Variants in MCM9 observed in about 807,000 individuals in gnomAD.
MCM9 encodes the protein DNA helicase MCM9.
MCM9 carries 55 observed loss-of-function variants against 72.8 expected under a neutral mutation model. The ratio of observed to expected loss-of-function variants is 0.76; its 90% CI spans 0.61 to 0.95. The LOEUF is 0.95. Among genes scored for constraint, MCM9 ranks in the 40% least tolerant of loss-of-function variants. The pLI is 0.00. For synonymous variants in MCM9, 480 were observed against 503.4 expected (o/e 0.95, Z 0.62); for missense variants, 1,279 against 1,377.0 (o/e 0.93, Z 1.13).
Position 118,815,009 on chromosome 6 carries a change from C to T in MCM9, c.3247G>A (p.Glu1083Lys), listed in dbSNP as rs1468102840. Residue 1083 changes from glutamate to lysine, a missense_variant, in exon 14 of 14, where the codon GAG becomes AAG. Coordinates refer to ENST00000619706, the MANE Select transcript of MCM9 (RefSeq NM_017696.3). ...GTAGGAGGGGAGCTTGGGCCTCTCT[C>T]ACCTCGGTTCTTCCTTTCAGGAGGA... ...SPPPERKNRGERGPSSPPTTT... is the reference protein window; with the variant it reads ...SPPPERKNRGKRGPSSPPTTT... 1 of 1,550,206 alleles carries T rather than the reference C, an allele frequency of 6.5e-7. No individual in the cohort carries two copies. The highest frequency in any genetic ancestry group is 1.4e-5 in the African/African-American group (1 of 72,976).
chr6:118,868,033 C>T (rs185439489), intron 8 of MCM9, among the ~76,000 whole-genome samples: 56 of 151,980 alleles, frequency 3.7e-4, no homozygotes, highest in Admixed American at 2.4e-3. Context: ...CGTGCCACCA[C>T]GTCTGGCTAA....
chr6:118,917,504 T>A, intron 6 of MCM9, 57 bp downstream of exon 6: 1 of 1,512,856 alleles, frequency 6.6e-7, no homozygotes, highest in East Asian at 2.3e-5. Context: ...GACATCATAT[T>A]TAACCACTGA....
chr6:118,856,591 T>G, intron 8 of MCM9, 46 bp from the exon 9 acceptor site: 1 of 1,528,460 alleles, frequency 6.5e-7, no homozygotes, highest in East Asian at 2.4e-5. Context: ...TCAAAAGCAT[T>G]ATCTTGACTG....
At chr6:118,878,068 A>G (rs943496867) in intron 8 of MCM9, among the ~76,000 whole-genome samples, 2 of 152,134 alleles carry the variant, frequency 1.3e-5, no homozygotes, top group East Asian at 3.9e-4. Context: ...AGACTAAGAC[A>G]AGAAGACTGC....
Position 118,826,286 on chromosome 6 carries a change from C to T in MCM9, c.1822G>A (p.Ala608Thr), listed in dbSNP as rs1283560230. ...AGGGCATTCACACCTCCTAGCAGTGCACCTCCCTGAAGGGGTGAGAAAATA... is the reference window on the plus strand; with the variant it reads ...AGGGCATTCACACCTCCTAGCAGTGTACCTCCCTGAAGGGGTGAGAAAATA... ...SVMESSMQGG[A>T]LLGGVNALHT... is the part of the protein sequence containing the mutation. Residue 608 changes from alanine (A) to threonine (T), a missense_variant, in exon 13 of 14, where the codon GCA becomes ACA. Transcript: ENST00000619706. 3 of 1,549,602 alleles carry T rather than the reference C, an allele frequency of 1.9e-6. No homozygotes were observed. Among genetic ancestry groups the T allele is most frequent in the Admixed American group, 2.0e-5 (1 of 50,904 alleles).
intron 5 of MCM9, 83 bp downstream of exon 5, chr6:118,921,922 C>A (rs1781462586): frequency 2.9e-6 from 3 of 1,022,324 alleles, no homozygotes; most frequent in Non-Finnish European, 4.4e-6. Context: ...TGCCAGTGAT[C>A]TTGGGAAAAT....
chr6:118,893,715 A>C (rs1362332851), intron 8 of MCM9, among the ~76,000 whole-genome samples: 3 of 152,110 alleles, frequency 2.0e-5, no homozygotes, highest in East Asian at 3.9e-4. Context: ...TCTACTCCAA[A>C]TACTACCCGA....
intron 9 of MCM9, among the ~76,000 whole-genome samples, chr6:118,836,123 T>C (rs1386687623): frequency 6.6e-6 from 1 of 152,224 alleles, no homozygotes; most frequent in Non-Finnish European, 1.5e-5. Flanking sequence ...TTTTTGTCAT[T>C]GGTTCTGTTT....
intron 9 of MCM9, among the ~76,000 whole-genome samples, chr6:118,847,033 A>C (rs1775917013): frequency 6.6e-6 from 1 of 151,876 alleles, no homozygotes; most frequent in Non-Finnish European, 1.5e-5. Flanking sequence ...GCAAATAGGA[A>C]AAACCATTCC....
At chr6:118,822,112 G>A (rs1417628554) in intron 13 of MCM9, among the ~76,000 whole-genome samples, 1 of 152,148 alleles carries the variant, frequency 6.6e-6, no homozygotes, top group Non-Finnish European at 1.5e-5. Flanking sequence ...CCCACCTTCT[G>A]AAGCCTACTT....
At chr6:118,906,995 A>G (rs1380417656) in intron 8 of MCM9, among the ~76,000 whole-genome samples, 5 of 152,224 alleles carry the variant, frequency 3.3e-5, no homozygotes, top group African/African-American at 1.2e-4. Context: ...GAAACCATTA[A>G]TAATAAGTTG....
intron 8 of MCM9, among the ~76,000 whole-genome samples, chr6:118,885,714 T>A (rs1488541920): frequency 6.6e-5 from 10 of 152,118 alleles, no homozygotes; most frequent in Non-Finnish European, 1.3e-4. Context: ...CACAGATAAC[T>A]TCATTAGTGA....
chr6:118,896,101 T>C (rs562594252), intron 8 of MCM9, among the ~76,000 whole-genome samples: 1 of 151,222 alleles, frequency 6.6e-6, no homozygotes, highest in Non-Finnish European at 1.5e-5. Context: ...ATAGGGCAAA[T>C]TTTGAAAGAT....
chr6:118,932,522 CAG>C, intron 2 of MCM9, 83 bp downstream of exon 2: 1 of 783,546 alleles, frequency 1.3e-6, no homozygotes, highest in South Asian at 5.8e-5. Context: ...TATATGAACA[CAG>C]TGTCATTCTT....
intron 13 of MCM9, among the ~76,000 whole-genome samples, chr6:118,818,740 T>C (rs904694203): frequency 1.2e-4 from 18 of 152,372 alleles, no homozygotes; most frequent in African/African-American, 4.3e-4. Flanking sequence ...TTTCACAATA[T>C]TGATTCACCC....
chr6:118,864,264 C>T (rs773181744), intron 8 of MCM9, among the ~76,000 whole-genome samples: 7 of 152,020 alleles, frequency 4.6e-5, no homozygotes, highest in East Asian at 1.9e-4. Context: ...CATGCTTTTG[C>T]GTCCTCACAG....
chr6:118,832,829 T>C (rs1426565984), intron 9 of MCM9, among the ~76,000 whole-genome samples: 1 of 152,226 alleles, frequency 6.6e-6, no homozygotes, highest in Non-Finnish European at 1.5e-5. Context: ...TCACCACCTA[T>C]ATGCTGGTAC....
chr6:118,926,896 T>C (rs1012067990), intron 3 of MCM9, among the ~76,000 whole-genome samples: 3 of 152,190 alleles, frequency 2.0e-5, no homozygotes, highest in African/African-American at 7.2e-5. Flanking sequence ...ATTGTACATA[T>C]ACAGAAGGAT....
At chr6:118,885,012 T>C (rs36193424) in intron 8 of MCM9, among the ~76,000 whole-genome samples, 122,447 of 151,932 alleles carry the variant, frequency 0.81, 49,802 homozygotes, top group East Asian at 0.92. Flanking sequence ...CTGGCTAACA[T>C]GGTGAAACCC....
Sources: gnomAD v4.1 joint callset for allele counts (sites outside exome capture counted in the v4.1 genomes callset) on GRCh38, gnomAD v4.1.1 for gene constraint, MANE v1.5 for transcripts, NCBI Gene and HGNC (gene_info 2026-07-23, HGNC 2026-07-21) for gene names.